The following EYA3 variants were observed in gnomAD, a reference collection of about 807,000 sequenced individuals.
The protein encoded by EYA3 is protein phosphatase EYA3.
A neutral mutation model predicts 80.0 loss-of-function variants in EYA3; 39 were observed. That is an observed-to-expected ratio of 0.49 (90% confidence interval 0.38 to 0.64). The LOEUF is 0.64. Among genes scored for constraint, EYA3 ranks in the 30% least tolerant of loss-of-function variants. EYA3 has a pLI of 0.00. For synonymous variants in EYA3, 206 were observed against 232.8 expected (o/e 0.88, Z 1.05); for missense variants, 523 against 676.1 (o/e 0.77, Z 2.51).
At chr1:28,041,693 A>G (rs1371600514) in intron 4 of EYA3, among the ~76,000 whole-genome samples, 2 of 152,126 alleles carry the variant, frequency 1.3e-5, no homozygotes, top group Non-Finnish European at 2.9e-5. Flanking sequence ...TATTTTTTGT[A>G]GCGAGGAGGT....
chr1:28,038,185 G>A (rs893397415), intron 5 of EYA3, among the ~76,000 whole-genome samples: 4 of 152,082 alleles, frequency 2.6e-5, no homozygotes, highest in South Asian at 2.1e-4. Flanking sequence ...GCTCACGACT[G>A]TAATCCCAGC....
chr1:28,008,097 T>C (rs991206746), intron 10 of EYA3, among the ~76,000 whole-genome samples: 15 of 152,194 alleles, frequency 9.9e-5, no homozygotes, highest in African/African-American at 3.6e-4. Flanking sequence ...ATTTTTCTTT[T>C]TCTTTTTTTA....
intron 1 of EYA3, among the ~76,000 whole-genome samples, chr1:28,082,663 TA>T (rs988772664): frequency 1.3e-3 from 202 of 152,296 alleles, no homozygotes; most frequent in African/African-American, 4.6e-3. Flanking sequence ...GTTTCAGTTT[TA>T]GTCTTCTGTT....
At chr1:27,979,573 T>C (rs1005099992) in intron 16 of EYA3, among the ~76,000 whole-genome samples, 4 of 152,176 alleles carry the variant, frequency 2.6e-5, no homozygotes, top group South Asian at 4.1e-4. Context: ...ACACAGATCA[T>C]ACTGCTGTGG....
At chr1:28,042,714 A>G in intron 3 of EYA3, 64 bp from the exon 4 acceptor site, 1 of 1,283,878 alleles carries the variant, frequency 7.8e-7, no homozygotes, top group Non-Finnish European at 1.1e-6. Context: ...AAAAGTGATG[A>G]GTTCAAACCC....
intron 13 of EYA3, among the ~76,000 whole-genome samples, chr1:27,995,405 G>C (rs984050511): frequency 2.3e-5 from 3 of 131,474 alleles, no homozygotes; most frequent in African/African-American, 8.6e-5. Context: ...GCCAGAGCGA[G>C]ACCCTATCTT....
chr1:28,029,623 G>A (rs1643003077), intron 6 of EYA3, among the ~76,000 whole-genome samples: 2 of 142,846 alleles, frequency 1.4e-5, no homozygotes, highest in South Asian at 4.3e-4. Context: ...ATGGAGTTTC[G>A]CTCTTGTTGC....
intron 2 of EYA3, among the ~76,000 whole-genome samples, chr1:28,053,105 G>A (rs1644314303): frequency 1.6e-5 from 2 of 128,772 alleles, no homozygotes; most frequent in Non-Finnish European, 3.1e-5. Flanking sequence ...AGTGAGCCAC[G>A]ATTGTGCCAC....
At chr1:27,997,130 C>T (rs972434877) in intron 13 of EYA3, among the ~76,000 whole-genome samples, 190 bp downstream of exon 13, 1 of 152,228 alleles carries the variant, frequency 6.6e-6, no homozygotes, top group Non-Finnish European at 1.5e-5. Flanking sequence ...TCTCGTGCTC[C>T]ACGGCATTTT....
intron 1 of EYA3, among the ~76,000 whole-genome samples, chr1:28,087,559 C>T (rs1645701898): frequency 6.6e-6 from 1 of 152,208 alleles, no homozygotes; most frequent in South Asian, 2.1e-4. Context: ...GGAAACAACA[C>T]AATAAATTCA....
chr1:28,065,373 A>C (rs1279523912), intron 1 of EYA3, among the ~76,000 whole-genome samples: 2 of 152,062 alleles, frequency 1.3e-5, no homozygotes, highest in Non-Finnish European at 2.9e-5. Flanking sequence ...CCTGGGTTCA[A>C]GCGATTCCCC....
intron 3 of EYA3, among the ~76,000 whole-genome samples, chr1:28,044,346 A>T (rs1467513701): frequency 2.6e-5 from 4 of 152,218 alleles, no homozygotes; most frequent in Non-Finnish European, 5.9e-5. Context: ...TACATCCGTC[A>T]ACGAGAATAA....
chr1:28,080,937 G>A lies in EYA3; in HGVS notation c.-69+7587C>T, dbSNP rs1645402240. 3.3e-5 allele frequency among the ~76,000 whole-genome samples: 5 copies of A among 151,100 alleles called. No individual in the cohort carries two copies. In the South Asian group the frequency reaches 1.0e-3, roughly 32 times the overall value. ...GGCTAATTTTGTATTTTTTTTTTTG[G>A]TAGAGACGGGGTTTCACCATGTTGG... On this transcript the variant is annotated intron_variant, in intron 1 of 17. Transcript: ENST00000373871.
chr1:28,061,592 T>G (rs968798737), intron 1 of EYA3, among the ~76,000 whole-genome samples: 10 of 77,040 alleles, frequency 1.3e-4, no homozygotes, highest in South Asian at 4.0e-4. Flanking sequence ...ATTTAACGTG[T>G]TTTTTTTTTT....
At chr1:28,050,156 T>C (rs532910563) in intron 2 of EYA3, among the ~76,000 whole-genome samples, 1 of 150,924 alleles carries the variant, frequency 6.6e-6, no homozygotes, top group Non-Finnish European at 1.5e-5. Context: ...TGGAGCAACA[T>C]TTTTAAATTT....
At chr1:27,998,238 G>T in intron 12 of EYA3, 1 of 757,624 alleles carries the variant, frequency 1.3e-6, no homozygotes, top group Non-Finnish European at 1.6e-6. Context: ...CTTTTAAGAA[G>T]CTCCCCAGGT....
At chr1:28,067,723 T>C (rs1644882233) in intron 1 of EYA3, among the ~76,000 whole-genome samples, 1 of 152,182 alleles carries the variant, frequency 6.6e-6, no homozygotes, top group African/African-American at 2.4e-5. Context: ...GGTTGGTTCA[T>C]TTTACAGCTC....
At chr1:27,975,089 G>A (rs1638868347) in intron 17 of EYA3, among the ~76,000 whole-genome samples, 1 of 152,212 alleles carries the variant, frequency 6.6e-6, no homozygotes, top group African/African-American at 2.4e-5. Context: ...GTCCAAGATG[G>A]AGAATGTACA....
intron 16 of EYA3, among the ~76,000 whole-genome samples, chr1:27,980,677 A>G (rs920966640): frequency 6.6e-6 from 1 of 152,210 alleles, no homozygotes; most frequent in Non-Finnish European, 1.5e-5. Context: ...ATGTCAAGCA[A>G]TTGAAGCTGG....
Sources: allele counts gnomAD v4.1 joint callset (sites outside exome capture counted in the v4.1 genomes callset), GRCh38; gene constraint gnomAD v4.1.1; transcripts MANE v1.5; gene names NCBI Gene and HGNC (gene_info 2026-07-23, HGNC 2026-07-21).